Variants in CCDC93 observed in about 807,000 individuals in gnomAD.
CCDC93 encodes the protein coiled-coil domain-containing protein 93.
CCDC93 carries 61 observed loss-of-function variants against 108.2 expected under a neutral mutation model. The observed-to-expected ratio is 0.56, with a 90% CI of 0.46 to 0.70. CCDC93 has a LOEUF of 0.70. Ranked by LOEUF, CCDC93 falls within the 30% of genes least tolerant of loss-of-function variation. CCDC93 has a pLI of 0.00. For missense variants in CCDC93, 685 were observed against 764.2 expected (o/e 0.90, Z 1.22); for synonymous variants, 276 against 260.4 (o/e 1.06, Z -0.58).
intron 6 of CCDC93, among the ~76,000 whole-genome samples, chr2:117,994,734 C>T (rs1326957155): frequency 3.3e-5 from 5 of 152,138 alleles, no homozygotes; most frequent in Admixed American, 2.6e-4. Flanking sequence ...AGAAACTATG[C>T]AACTATGAAA....
intron 22 of CCDC93, among the ~76,000 whole-genome samples, chr2:117,934,257 G>A (rs1257165205): frequency 6.6e-6 from 1 of 152,142 alleles, no homozygotes; most frequent in Non-Finnish European, 1.5e-5. Flanking sequence ...GCTTCCTGCA[G>A]AGCAATGGCA....
intron 4 of CCDC93, 22 bp downstream of exon 4, chr2:118,000,798 AG>A (rs1401726829): frequency 1.3e-6 from 2 of 1,499,682 alleles, no homozygotes; most frequent in African/African-American, 2.8e-5. Flanking sequence ...TAAGAGGACA[AG>A]AAACCACACA....
intron 20 of CCDC93, 138 bp from the exon 21 acceptor site, chr2:117,936,877 CAT>C: frequency 2.9e-6 from 2 of 696,246 alleles, no homozygotes; most frequent in East Asian, 2.6e-5. Context: ...ATTAAAGTAA[CAT>C]ATGAAAAAAA....
At chr2:117,925,501 G>A (rs9710924) in intron 23 of CCDC93, among the ~76,000 whole-genome samples, 23,696 of 151,972 alleles carry the variant, frequency 0.16, 2,115 homozygotes, top group South Asian at 0.22. Flanking sequence ...ACTTTAAACC[G>A]ACAAAGATCA....
In CCDC93 at chr2:117,955,861, A is replaced by G. The variant is rs752059757; in HGVS notation, c.1005+2504T>C. On this transcript the variant is annotated intron_variant, in intron 12 of 23. Coordinates refer to ENST00000376300, the MANE Select transcript of CCDC93 (RefSeq NM_019044.5). ...TCACTCTCCCCAGGTGAAGGGGCAT[A>G]CATTTTTGCAAAGGCCTAAAAACAG... Among the ~76,000 whole-genome samples, 51 of 152,312 alleles carry G rather than the reference A, an allele frequency of 3.3e-4. 1 individual carries two copies. In the Middle Eastern group the frequency reaches 0.014, roughly 41 times the overall value.
intron 6 of CCDC93, among the ~76,000 whole-genome samples, chr2:117,991,917 G>A (rs1680486354): frequency 6.6e-6 from 1 of 152,158 alleles, no homozygotes; most frequent in Non-Finnish European, 1.5e-5. Context: ...ATGCACCACA[G>A]CCCTAGAGTT....
chr2:117,990,633 G>GA (rs150864465), intron 6 of CCDC93, among the ~76,000 whole-genome samples: 4 of 144,308 alleles, frequency 2.8e-5, no homozygotes, highest in African/African-American at 1.0e-4. Flanking sequence ...GCCAAGTGAA[G>GA]AAAAAAAAAA....
chr2:117,922,274 G>A (rs776702381), intron 23 of CCDC93, among the ~76,000 whole-genome samples: 1 of 152,126 alleles, frequency 6.6e-6, no homozygotes, highest in Non-Finnish European at 1.5e-5. Flanking sequence ...ATGTCACCTA[G>A]TATGTGAGCC....
intron 11 of CCDC93, among the ~76,000 whole-genome samples, chr2:117,964,753 T>A (rs1679500991): frequency 6.6e-6 from 1 of 152,048 alleles, no homozygotes; most frequent in Non-Finnish European, 1.5e-5. Flanking sequence ...TACATGTCAC[T>A]ATACCCAAGT....
chr2:117,945,468 G>A, intron 17 of CCDC93, 61 bp downstream of exon 17: 1 of 1,374,904 alleles, frequency 7.3e-7, no homozygotes, highest in South Asian at 1.2e-5. Context: ...TCACAGGAGA[G>A]TGGAAAGCTG....
chr2:118,009,123 C>A (rs1676957761), intron 1 of CCDC93, among the ~76,000 whole-genome samples: 1 of 152,178 alleles, frequency 6.6e-6, no homozygotes, highest in South Asian at 2.1e-4. Flanking sequence ...GTAATCCCAG[C>A]ACTTTGGGAG....
chr2:117,962,758 G>A (rs1337977179), intron 11 of CCDC93, among the ~76,000 whole-genome samples: 1 of 152,236 alleles, frequency 6.6e-6, no homozygotes, highest in East Asian at 1.9e-4. Context: ...GTAACTGAAA[G>A]TGGGAATCCA....
At chr2:117,932,512 T>C (rs1046579627) in intron 22 of CCDC93, among the ~76,000 whole-genome samples, 8 of 152,194 alleles carry the variant, frequency 5.3e-5, no homozygotes, top group East Asian at 1.9e-4. Context: ...AATCCTGACC[T>C]TGCATTCAGT....
intron 23 of CCDC93, among the ~76,000 whole-genome samples, chr2:117,921,425 C>T (rs527876434): frequency 3.9e-5 from 6 of 152,088 alleles, no homozygotes; most frequent in Non-Finnish European, 8.8e-5. Context: ...CCTCCATCTG[C>T]TAGCAAACCT....
At position 117,931,087 on chromosome 2, in the gene CCDC93, G is replaced by A. The variant is rs774184200; in HGVS notation, c.1792C>T (p.Leu598=). The change falls in exon 23 of 24, where the codon CTG becomes TTG. Residue 598 remains leucine, a synonymous_variant. Transcript: ENST00000376300. Reference sequence around the variant, plus strand: ...AAGTATAGCCTCTGCTTTTCTAACAGCTCCAAGTACTGGTCGTTCAACTGG... The same window carrying A: ...AAGTATAGCCTCTGCTTTTCTAACAACTCCAAGTACTGGTCGTTCAACTGG... ...RDQLNDQYLE[L]LEKQRLYFKT... is the part of the protein sequence containing the mutation. The A allele has an allele frequency of 5.3e-5, 85 of 1,613,804 alleles. No homozygotes were observed. Among genetic ancestry groups the A allele is most frequent in the Non-Finnish European group, 6.4e-5 (76 of 1,179,856 alleles).
At chr2:117,996,447 G>C in intron 4 of CCDC93, 85 bp from the exon 5 acceptor site, 1 of 881,200 alleles carries the variant, frequency 1.1e-6, no homozygotes, top group Non-Finnish European at 1.9e-6. Context: ...CCCAACTCAT[G>C]AACTCAAATC....
chr2:117,929,132 G>T (rs1678233506), intron 23 of CCDC93, among the ~76,000 whole-genome samples: 1 of 146,560 alleles, frequency 6.8e-6, no homozygotes, highest in Non-Finnish European at 1.5e-5. Flanking sequence ...AGGTGGGAGG[G>T]ATAGCATTAG....
At chr2:117,947,693 C>CTTTTT (rs763811529) in intron 15 of CCDC93, among the ~76,000 whole-genome samples, 1 of 121,984 alleles carries the variant, frequency 8.2e-6, no homozygotes, top group Non-Finnish European at 1.7e-5. Flanking sequence ...GATGAATCTG[C>CTTTTT]TTTTTTTTTT....
At chr2:117,922,167 A>T (rs1677892173) in intron 23 of CCDC93, among the ~76,000 whole-genome samples, 1 of 152,178 alleles carries the variant, frequency 6.6e-6, no homozygotes, top group Non-Finnish European at 1.5e-5. Context: ...TCACCGTTTA[A>T]ATGAGGCAAA....
Sources: allele counts gnomAD v4.1 joint callset (sites outside exome capture counted in the v4.1 genomes callset), GRCh38; gene constraint gnomAD v4.1.1; transcripts MANE v1.5; gene names NCBI Gene and HGNC (gene_info 2026-07-23, HGNC 2026-07-21).